PHF24: variants seen among roughly 807,000 people sequenced by gnomAD.
PHF24 encodes PHD finger protein 24.
Under a neutral mutation model 42.6 loss-of-function variants are expected in PHF24, and 25 were observed. The observed-to-expected ratio is 0.59, with a 90% CI of 0.43 to 0.82. PHF24 has a LOEUF of 0.82. Ranked by LOEUF, PHF24 falls within the 40% of genes least tolerant of loss-of-function variation. The pLI, the probability that PHF24 is intolerant of heterozygous loss-of-function variation, is 0.00. For missense variants in PHF24, 470 were observed against 538.1 expected (o/e 0.87, Z 1.25); for synonymous variants, 185 against 204.8 (o/e 0.90, Z 0.83).
chr9:34,689,935 C>CT, the PHF24 span: 1 of 1,614,148 alleles, frequency 6.2e-7, no homozygotes. This position sits in a 1 kb window ranked among gnomAD's most constrained non-coding sequence, Gnocchi z 4.1. Context: ...CTTGCCTTGG[C>CT]TGAGGTCCTC....
At chr9:34,690,280 T>G in the PHF24 span, 1 of 1,613,750 alleles carries the variant, frequency 6.2e-7, no homozygotes, top group Non-Finnish European at 8.5e-7. Flanking sequence ...TACCCAGGGA[T>G]GGGTTTCTGG....
the PHF24 span, among the ~76,000 whole-genome samples, chr9:34,896,119 T>C: frequency 6.6e-6 from 1 of 152,164 alleles, no homozygotes; most frequent in Admixed American, 6.5e-5. Context: ...ACCGAGTCTC[T>C]ATGCACACTA....
At chr9:34,730,026 G>A in the PHF24 span, among the ~76,000 whole-genome samples, 2 of 152,252 alleles carry the variant, frequency 1.3e-5, no homozygotes, top group African/African-American at 2.4e-5. Flanking sequence ...TACGTATCTG[G>A]TCTGTGTGGC....
At chr9:34,826,685 G>A in the PHF24 span, among the ~76,000 whole-genome samples, 2 of 151,832 alleles carry the variant, frequency 1.3e-5, no homozygotes, top group African/African-American at 2.4e-5. Context: ...AGCCAATTCC[G>A]AAGTGCCCTT....
chr9:34,868,623 T>C, the PHF24 span, among the ~76,000 whole-genome samples: 1 of 152,238 alleles, frequency 6.6e-6, no homozygotes, highest in East Asian at 1.9e-4. Context: ...GCATTTAACA[T>C]AGCAGTATGA....
chr9:34,976,589 G>T (rs1015605624), exon 5 of PHF24: 4 of 1,614,116 alleles, frequency 2.5e-6, no homozygotes, highest in Non-Finnish European at 3.4e-6. Context: ...GCAGCCAAGC[G>T]GGGGGACCGT....
the PHF24 span, among the ~76,000 whole-genome samples, chr9:34,899,482 G>C: frequency 6.6e-6 from 1 of 152,164 alleles, no homozygotes; most frequent in East Asian, 1.9e-4. Flanking sequence ...AAAGAGCTTC[G>C]CTGTGTCTCA....
chr9:34,976,569 C>T, exon 5 of PHF24: 2 of 1,614,034 alleles, frequency 1.2e-6, no homozygotes, highest in Non-Finnish European at 1.7e-6. Flanking sequence ...TTCTGCGTTA[C>T]CGCCACCAAG....
At chr9:34,924,839 C>T in the PHF24 span, among the ~76,000 whole-genome samples, 1 of 152,092 alleles carries the variant, frequency 6.6e-6, no homozygotes, top group African/African-American at 2.4e-5. Flanking sequence ...TTTTGTATAT[C>T]TTTTGTTCCT....
chr9:34,890,678 C>T, the PHF24 span, among the ~76,000 whole-genome samples: 1 of 152,214 alleles, frequency 6.6e-6, no homozygotes, highest in Admixed American at 6.5e-5. Flanking sequence ...CCTAAAGGAT[C>T]CCTGTGTGGA....
At chr9:34,966,285 G>A (rs1441938966) in intron 1 of PHF24, among the ~76,000 whole-genome samples, 1 of 152,134 alleles carries the variant, frequency 6.6e-6, no homozygotes, top group Non-Finnish European at 1.5e-5. Context: ...TCTGGTTGTT[G>A]TGTTTAAAAA....
the PHF24 span, chr9:34,834,111 C>A: frequency 7.3e-7 from 1 of 1,379,010 alleles, no homozygotes; most frequent in Non-Finnish European, 9.8e-7. Flanking sequence ...TGATGTAGGT[C>A]TGGGTCACTT....
At chr9:34,930,906 C>A in the PHF24 span, among the ~76,000 whole-genome samples, 4 of 152,006 alleles carry the variant, frequency 2.6e-5, no homozygotes, top group Admixed American at 6.6e-5. Flanking sequence ...GTGTCCCGGC[C>A]CAAATCTCAT....
the PHF24 span, among the ~76,000 whole-genome samples, chr9:34,676,353 A>G: frequency 6.6e-6 from 1 of 152,150 alleles, no homozygotes; most frequent in Admixed American, 6.5e-5. Flanking sequence ...GGGAAACCAC[A>G]TCTCTACAAA....
the PHF24 span, among the ~76,000 whole-genome samples, chr9:34,861,000 G>A: frequency 1.3e-5 from 2 of 152,186 alleles, no homozygotes; most frequent in African/African-American, 4.8e-5. Context: ...GCAGAGCACA[G>A]TTACATAGCC....
the PHF24 span, among the ~76,000 whole-genome samples, chr9:34,789,699 A>G: frequency 6.3e-3 from 959 of 152,362 alleles, 8 homozygotes; most frequent in Middle Eastern, 0.037. Flanking sequence ...ACAAAATTAA[A>G]TGGAACTGTC....
the PHF24 span, among the ~76,000 whole-genome samples, chr9:34,763,197 A>C: frequency 3.9e-5 from 6 of 152,166 alleles, no homozygotes; most frequent in Non-Finnish European, 8.8e-5. Flanking sequence ...TTTTGGTTCC[A>C]TATGAACTTT....
At chr9:34,943,139 G>GCAGCAGCCTT in the PHF24 span, among the ~76,000 whole-genome samples, 2 of 152,166 alleles carry the variant, frequency 1.3e-5, no homozygotes, top group African/African-American at 4.8e-5. Context: ...GTTTAAGCCT[G>GCAGCAGCCTT]CAGCAGCCTT....
chr9:34,919,306 A>T, the PHF24 span, among the ~76,000 whole-genome samples: 6 of 152,218 alleles, frequency 3.9e-5, no homozygotes, highest in Non-Finnish European at 8.8e-5. Context: ...TGTATTGGGA[A>T]CATTTCAAAT....
Sources: allele counts gnomAD v4.1 joint callset (sites outside exome capture counted in the v4.1 genomes callset), GRCh38; gene constraint gnomAD v4.1.1; non-coding constraint Gnocchi (gnomAD v3.1); transcripts MANE v1.5; gene names NCBI Gene and HGNC (gene_info 2026-07-23, HGNC 2026-07-21).